Variants in EPHA6 observed in about 807,000 individuals in gnomAD.
EPHA6 encodes the protein EPH receptor A6.
Under a neutral mutation model 112.0 loss-of-function variants are expected in EPHA6, and 50 were observed. That is an observed-to-expected ratio of 0.45 (90% CI 0.36 to 0.56). The LOEUF (loss-of-function observed/expected upper bound fraction) is 0.56, where lower values mean the gene tolerates loss of function less well. EPHA6 is among the 20% of genes least tolerant of loss of function. EPHA6 has a pLI of 0.00. For synonymous variants in EPHA6, 529 were observed against 490.7 expected, an observed-to-expected ratio of 1.08 and a Z score of -1.03; for missense variants, 1,280 against 1,417.4, an observed-to-expected ratio of 0.90 and a Z score of 1.56.
At chr3:97,349,859 TA>T (rs1000222434) in intron 5 of EPHA6, among the ~76,000 whole-genome samples, 2 of 152,006 alleles carry the variant, frequency 1.3e-5, no homozygotes, top group African/African-American at 4.8e-5. Context: ...CCAGACGTGA[TA>T]AAAATTTTTA....
At chr3:97,644,653 C>T (rs1362347306) in intron 14 of EPHA6, among the ~76,000 whole-genome samples, 1 of 150,890 alleles carries the variant, frequency 6.6e-6, no homozygotes. Flanking sequence ...GAGAATACTA[C>T]AAACACCTCT....
chr3:97,716,574 C>CAAAA (rs1218426459), intron 14 of EPHA6, among the ~76,000 whole-genome samples: 25 of 37,234 alleles, frequency 6.7e-4, no homozygotes, highest in African/African-American at 2.1e-3. Context: ...GACTCCGTCT[C>CAAAA]AAAAAAAAAA....
chr3:97,642,789 G>A (rs572248767), intron 14 of EPHA6, among the ~76,000 whole-genome samples: 3,904 of 151,632 alleles, frequency 0.026, 149 homozygotes, highest in African/African-American at 0.088. Flanking sequence ...ATGGGACTAT[G>A]TGAAAAGACC....
intron 15 of EPHA6, among the ~76,000 whole-genome samples, chr3:97,729,187 A>G (rs2034920419): frequency 1.3e-5 from 2 of 152,032 alleles, no homozygotes; most frequent in African/African-American, 2.4e-5. Flanking sequence ...TTTTTCTATA[A>G]TTCTTTTTAT....
intron 2 of EPHA6, among the ~76,000 whole-genome samples, chr3:96,982,172 G>A (rs1244958286): frequency 6.6e-6 from 1 of 152,074 alleles, no homozygotes; most frequent in African/African-American, 2.4e-5. Context: ...GATCTTTCCT[G>A]CTTTCTCTTG....
intron 10 of EPHA6, among the ~76,000 whole-genome samples, chr3:97,491,760 C>T (rs1324813177): frequency 6.6e-6 from 1 of 151,850 alleles, no homozygotes; most frequent in Non-Finnish European, 1.5e-5. Context: ...CCTAAGGACA[C>T]ATAATGTCGG....
intron 5 of EPHA6, among the ~76,000 whole-genome samples, chr3:97,324,438 T>TTTCTTTC (rs1246336633): frequency 6.8e-6 from 1 of 147,740 alleles, no homozygotes; most frequent in Non-Finnish European, 1.5e-5. Context: ...TCTTTCTTTC[T>TTTCTTTC]TTCTTTCTTT....
At chr3:97,600,911 CT>C (rs1326080524) in intron 12 of EPHA6, among the ~76,000 whole-genome samples, 1 of 151,688 alleles carries the variant, frequency 6.6e-6, no homozygotes, top group Non-Finnish European at 1.5e-5. Context: ...TTAAAAGAGC[CT>C]TTAAGTAATC....
intron 6 of EPHA6, among the ~76,000 whole-genome samples, chr3:97,432,111 T>G (rs2089546164): frequency 6.6e-6 from 1 of 152,114 alleles, no homozygotes; most frequent in African/African-American, 2.4e-5. Context: ...AGATCTCAAC[T>G]GCCACTTAAT....
intron 6 of EPHA6, among the ~76,000 whole-genome samples, chr3:97,417,656 C>A (rs1025976797): frequency 6.6e-6 from 1 of 151,950 alleles, no homozygotes; most frequent in African/African-American, 2.4e-5. Flanking sequence ...GGCTGTCAGT[C>A]TGGTGTAGTG....
At chr3:97,089,598 G>A (rs1202678379) in intron 3 of EPHA6, among the ~76,000 whole-genome samples, 1 of 152,140 alleles carries the variant, frequency 6.6e-6, no homozygotes, top group Admixed American at 6.6e-5. Flanking sequence ...TTCAAAAGGA[G>A]CTACTCAAAC....
At chr3:97,730,990 G>A (rs773827416) in intron 15 of EPHA6, among the ~76,000 whole-genome samples, 5 of 152,086 alleles carry the variant, frequency 3.3e-5, no homozygotes, top group Non-Finnish European at 7.4e-5. Context: ...TTTCAGATGT[G>A]GGAGGAACAT....
intron 2 of EPHA6, among the ~76,000 whole-genome samples, chr3:96,927,384 C>T (rs1389294620): frequency 6.6e-6 from 1 of 152,234 alleles, no homozygotes; most frequent in Non-Finnish European, 1.5e-5. Context: ...TATTAACATT[C>T]AGCTCCTTGT....
intron 14 of EPHA6, among the ~76,000 whole-genome samples, chr3:97,718,990 G>GTCAAAGA (rs1425450475): frequency 6.6e-6 from 1 of 150,512 alleles, no homozygotes; most frequent in East Asian, 2.0e-4. Context: ...ACAATTCCAT[G>GTCAAAGA]CTACTAGTCT....
intron 2 of EPHA6, among the ~76,000 whole-genome samples, chr3:96,970,456 G>A (rs2042274794): frequency 6.6e-6 from 1 of 152,026 alleles, no homozygotes; most frequent in Admixed American, 6.6e-5. Context: ...TCTTTAAAAT[G>A]CTATGGCTAG....
intron 8 of EPHA6, among the ~76,000 whole-genome samples, chr3:97,478,563 A>T (rs61192046): frequency 0.19 from 28,734 of 151,990 alleles, 4,074 homozygotes; most frequent in African/African-American, 0.38. Context: ...TGCAATGAAG[A>T]GAACAATTTC....
Position 96,967,868 on chromosome 3 carries a change from C to T in EPHA6, c.451-19462C>T, listed in dbSNP as rs759251209. On this transcript the variant is annotated intron_variant, in intron 2 of 17. Coordinates refer to ENST00000389672, the MANE Select transcript of EPHA6 (RefSeq NM_001080448.3). The stretch of plus-strand genomic sequence containing the variant: ...AATGGATCTGCAGCTAACATGTAGA[C>T]GGCAGTTGGATTTTGTTTATTATAA... Among the ~76,000 whole-genome samples, 20 of 151,718 alleles carry T rather than the reference C, an allele frequency of 1.3e-4. 1 individual carries two copies. Among genetic ancestry groups the T allele is most frequent in the East Asian group, 1.9e-4 (1 of 5,176 alleles).
chr3:97,747,758 T>C (rs1453253900), intron 17 of EPHA6, among the ~76,000 whole-genome samples, 186 bp downstream of exon 17: 1 of 152,112 alleles, frequency 6.6e-6, no homozygotes, highest in Non-Finnish European at 1.5e-5. Context: ...TGAAAGAATA[T>C]ATTTAATTCA....
intron 11 of EPHA6, among the ~76,000 whole-genome samples, chr3:97,539,122 TTC>T (rs1393169593): frequency 6.7e-6 from 1 of 148,738 alleles, no homozygotes; most frequent in African/African-American, 2.5e-5. Flanking sequence ...CTTTCTTTCT[TTC>T]TTTTTCTTTC....
Sources: allele counts gnomAD v4.1 joint callset (sites outside exome capture counted in the v4.1 genomes callset), GRCh38; gene constraint gnomAD v4.1.1; transcripts MANE v1.5; gene names NCBI Gene and HGNC (gene_info 2026-07-23, HGNC 2026-07-21).